The following IL1RAP variants were observed in gnomAD, a reference collection of about 807,000 sequenced individuals.
The protein encoded by IL1RAP is interleukin-1 receptor accessory protein.
In IL1RAP, 35 loss-of-function variants were observed where a neutral mutation model predicts 60.7. The observed-to-expected ratio is 0.58, with a 90% CI of 0.44 to 0.76. IL1RAP has a LOEUF of 0.76. IL1RAP is among the 30% of genes least tolerant of loss of function. The pLI is 0.00. For missense variants in IL1RAP, 572 were observed against 693.9 expected (o/e 0.82, Z 1.97); for synonymous variants, 268 against 250.9 (o/e 1.07, Z -0.64).
chr3:190,573,259 G>A (rs992874948), intron 3 of IL1RAP, among the ~76,000 whole-genome samples: 3 of 152,200 alleles, frequency 2.0e-5, no homozygotes, highest in African/African-American at 7.2e-5. Flanking sequence ...AGAGATGGCG[G>A]GCAAAAGTGT....
At chr3:190,632,493 T>C (rs140622719) in intron 9 of IL1RAP, among the ~76,000 whole-genome samples, 22 of 152,350 alleles carry the variant, frequency 1.4e-4, no homozygotes, top group African/African-American at 4.6e-4. Context: ...CACAGACGCA[T>C]ATATATCTCA....
chr3:190,582,693 A>G (rs1286569271), intron 3 of IL1RAP, among the ~76,000 whole-genome samples: 1 of 152,128 alleles, frequency 6.6e-6, no homozygotes, highest in Non-Finnish European at 1.5e-5. Context: ...TCCATTCTTC[A>G]CACAGTAACC....
intron 3 of IL1RAP, among the ~76,000 whole-genome samples, chr3:190,593,625 C>G (rs9856858): frequency 0.24 from 36,012 of 151,890 alleles, 4,425 homozygotes; most frequent in Middle Eastern, 0.28. Flanking sequence ...GCAAGAGAGA[C>G]TGTGTGCAGG....
intron 3 of IL1RAP, among the ~76,000 whole-genome samples, chr3:190,588,126 T>C (rs559738631): frequency 4.3e-4 from 65 of 152,314 alleles, no homozygotes; most frequent in South Asian, 2.5e-3. Flanking sequence ...TCTTTCTTTC[T>C]TTTTTTGAGA....
intron 2 of IL1RAP, among the ~76,000 whole-genome samples, chr3:190,559,487 T>G (rs565181498): frequency 8.0e-4 from 122 of 152,308 alleles, no homozygotes; most frequent in Middle Eastern, 3.4e-3. Flanking sequence ...CTTGCTATCT[T>G]TCTTCTTTTC....
chr3:190,574,049 A>G (rs1486148272), intron 3 of IL1RAP, among the ~76,000 whole-genome samples: 1 of 152,184 alleles, frequency 6.6e-6, no homozygotes, highest in African/African-American at 2.4e-5. Context: ...TGACTTTAAG[A>G]TGCACTGTCA....
At chr3:190,653,992 T>C (rs1734514613), downstream of IL1RAP, among the ~76,000 whole-genome samples, 1 of 152,166 alleles carries the variant, frequency 6.6e-6, no homozygotes, top group Non-Finnish European at 1.5e-5. Flanking sequence ...CTTACCTGCA[T>C]TTAGCATTGT....
At chr3:190,580,073 T>C (rs1727856502) in intron 3 of IL1RAP, among the ~76,000 whole-genome samples, 5 of 152,222 alleles carry the variant, frequency 3.3e-5, no homozygotes, top group Admixed American at 3.3e-4. Flanking sequence ...TATGTTTTCA[T>C]TTTTCTTGGG....
intron 5 of IL1RAP, among the ~76,000 whole-genome samples, chr3:190,611,998 A>G (rs188523151): frequency 2.6e-5 from 4 of 152,348 alleles, no homozygotes; most frequent in African/African-American, 9.6e-5. Flanking sequence ...TAATGTTACT[A>G]ATAAATTATT....
intron 1 of IL1RAP, among the ~76,000 whole-genome samples, chr3:190,541,109 C>T (rs1723898418): frequency 6.6e-6 from 1 of 151,944 alleles, no homozygotes; most frequent in Non-Finnish European, 1.5e-5. Flanking sequence ...GTCCAACTCT[C>T]CCATAGAAAC....
intron 1 of IL1RAP, among the ~76,000 whole-genome samples, chr3:190,551,363 C>T (rs773704374): frequency 1.6e-4 from 25 of 152,178 alleles, no homozygotes; most frequent in African/African-American, 2.2e-4. Context: ...CTGATGCAAA[C>T]GACTATATTG....
intron 1 of IL1RAP, among the ~76,000 whole-genome samples, chr3:190,553,440 A>T (rs979106620): frequency 7.9e-5 from 12 of 152,102 alleles, no homozygotes; most frequent in African/African-American, 2.7e-4. Context: ...AAAGAAAAAA[A>T]TTTTTTTTAA....
chr3:190,637,055 C>A (rs748690277), intron 9 of IL1RAP, among the ~76,000 whole-genome samples: 14 of 152,180 alleles, frequency 9.2e-5, no homozygotes, highest in African/African-American at 1.2e-4. Flanking sequence ...CTTACTATGG[C>A]GTATTTCCAT....
intron 1 of IL1RAP, among the ~76,000 whole-genome samples, chr3:190,522,419 G>C (rs866256744): frequency 2.2e-4 from 31 of 142,744 alleles, no homozygotes; most frequent in African/African-American, 7.1e-4. Context: ...ATGTATCTAT[G>C]TATCTATCTA....
At chr3:190,547,269 G>C (rs1016351810) in intron 1 of IL1RAP, among the ~76,000 whole-genome samples, 8 of 152,154 alleles carry the variant, frequency 5.3e-5, no homozygotes, top group African/African-American at 1.9e-4. Flanking sequence ...CATATGAAAA[G>C]AACTCTGGCC....
chr3:190,622,615 C>T lies in IL1RAP; in HGVS notation c.704-729C>T, dbSNP rs146652325. 7.9e-4 allele frequency among the ~76,000 whole-genome samples: 121 copies of T among 152,258 alleles called. 1 individual carries two copies. In the East Asian group the frequency reaches 0.015, roughly 19 times the overall value. On this transcript the variant is annotated intron_variant, in intron 6 of 11. Transcript: ENST00000447382. ...AACTGCTCACAAAACTCAGGAAAAC[C>T]TTTTACTTACCCTTACTTTGTTATT...
intron 9 of IL1RAP, among the ~76,000 whole-genome samples, chr3:190,638,158 C>A (rs1053018037): frequency 1.3e-5 from 2 of 152,020 alleles, no homozygotes; most frequent in African/African-American, 4.8e-5. Context: ...GAGATGAATA[C>A]CTATGAGTGG....
chr3:190,629,370 A>G lies in IL1RAP; in HGVS notation c.923A>G (p.Glu308Gly). ...INESISHSRT[E>G]DETRTQILSI... ...TCTAGTATAAGTCATAGTAGAACAG[A>G]AGATGAAACAAGAACTCAGATTTTG... Residue 308 changes from glutamate (E) to glycine (G), a missense_variant, in exon 9 of 12, where the codon GAA becomes GGA. By Grantham distance (98) the Glu-to-Gly change is moderately conservative. Coordinates refer to ENST00000447382, the MANE Select transcript of IL1RAP (RefSeq NM_002182.4). The G allele has an allele frequency of 6.2e-7, 1 of 1,610,856 alleles. No homozygotes were observed. The highest frequency in any genetic ancestry group is 8.5e-7 in the Non-Finnish European group (1 of 1,178,102).
downstream of IL1RAP, among the ~76,000 whole-genome samples, chr3:190,651,814 T>G (rs138122585): frequency 3.8e-4 from 58 of 152,132 alleles, 2 homozygotes; most frequent in East Asian, 0.011. Flanking sequence ...TATGTGTGTA[T>G]GCAGAGAGAC....
Sources: allele counts gnomAD v4.1 joint callset (sites outside exome capture counted in the v4.1 genomes callset), GRCh38; gene constraint gnomAD v4.1.1; transcripts MANE v1.5; gene names NCBI Gene and HGNC (gene_info 2026-07-23, HGNC 2026-07-21).